Variants in DLGAP2 observed in about 807,000 individuals in gnomAD.
The protein encoded by DLGAP2 is DLG associated protein 2.
DLGAP2 carries 26 observed loss-of-function variants against 100.3 expected under a neutral mutation model. The observed-to-expected ratio is 0.26, with a 90% CI of 0.19 to 0.36. The LOEUF (loss-of-function observed/expected upper bound fraction) is 0.36. DLGAP2 is among the 10% of genes least tolerant of loss of function. DLGAP2 has a pLI of 1.00. For missense variants in DLGAP2, 1,858 were observed against 1,453.2 expected, an observed-to-expected ratio of 1.28 and a Z score of -4.53; for synonymous variants, 886 against 630.1, an observed-to-expected ratio of 1.41 and a Z score of -6.08.
At chr8:1,370,699 G>T (rs986644306) in intron 3 of DLGAP2, among the ~76,000 whole-genome samples, 2 of 152,180 alleles carry the variant, frequency 1.3e-5, no homozygotes, top group Admixed American at 1.3e-4. Flanking sequence ...CCAGACAACC[G>T]CTCCACTCTT....
At chr8:980,258 T>G (rs914260280) in intron 2 of DLGAP2, among the ~76,000 whole-genome samples, 9 of 152,176 alleles carry the variant, frequency 5.9e-5, no homozygotes, top group Non-Finnish European at 1.2e-4. Context: ...GAAATATCCA[T>G]AGAAGGTGCA....
At chr8:886,212 C>G (rs7008278) in intron 1 of DLGAP2, among the ~76,000 whole-genome samples, 81,404 of 151,872 alleles carry the variant, frequency 0.54, 22,387 homozygotes, top group Admixed American at 0.66. Context: ...ATTCTCTGAT[C>G]GTAGTTTGTA....
intron 2 of DLGAP2, among the ~76,000 whole-genome samples, chr8:1,180,161 G>C (rs999698561): frequency 6.6e-6 from 1 of 152,170 alleles, no homozygotes; most frequent in South Asian, 2.1e-4. Context: ...CCAAACTGAG[G>C]ACGTAAATTA....
chr8:1,554,658 C>T (rs928643793), intron 5 of DLGAP2, among the ~76,000 whole-genome samples: 7 of 152,148 alleles, frequency 4.6e-5, no homozygotes, highest in Non-Finnish European at 1.0e-4. Context: ...GCGAGGGGCA[C>T]CTGTATCCTG....
intron 2 of DLGAP2, among the ~76,000 whole-genome samples, chr8:1,176,268 A>G (rs1193454393): frequency 6.6e-6 from 1 of 152,098 alleles, no homozygotes; most frequent in East Asian, 1.9e-4. Context: ...CCTCATTACC[A>G]CAAGAATAGC....
chr8:1,178,130 A>C (rs1170863958), intron 2 of DLGAP2, among the ~76,000 whole-genome samples: 1 of 152,210 alleles, frequency 6.6e-6, no homozygotes, highest in Non-Finnish European at 1.5e-5. Flanking sequence ...AAGGCCTTGG[A>C]GAGAACTAGG....
At chr8:1,058,005 G>A (rs1222258771) in intron 2 of DLGAP2, among the ~76,000 whole-genome samples, 1 of 152,174 alleles carries the variant, frequency 6.6e-6, no homozygotes, top group Non-Finnish European at 1.5e-5. Context: ...TAAGATTATG[G>A]GAAAACATTC....
chr8:987,983 C>G (rs1371429220), intron 2 of DLGAP2, among the ~76,000 whole-genome samples: 1 of 152,152 alleles, frequency 6.6e-6, no homozygotes, highest in Non-Finnish European at 1.5e-5. Flanking sequence ...TCCATCAAAA[C>G]AAGTCTGGTT....
intron 3 of DLGAP2, among the ~76,000 whole-genome samples, chr8:1,313,766 C>A (rs1800665733): frequency 1.3e-5 from 2 of 152,068 alleles, no homozygotes; most frequent in South Asian, 4.2e-4. Context: ...TGTAGGAAGG[C>A]TGAATTATGT....
intron 2 of DLGAP2, among the ~76,000 whole-genome samples, chr8:1,176,263 T>G (rs11992998): frequency 6.6e-6 from 1 of 152,000 alleles, no homozygotes; most frequent in Non-Finnish European, 1.5e-5. Flanking sequence ...AATTCCCTCA[T>G]TACCACAAGA....
intron 3 of DLGAP2, among the ~76,000 whole-genome samples, chr8:1,317,298 C>T (rs1395868209): frequency 1.5e-5 from 2 of 135,660 alleles, no homozygotes; most frequent in Admixed American, 7.5e-5. Flanking sequence ...AGAAACTCGG[C>T]AGCTTTTAAA....
chr8:1,215,790 G>C (rs1440981907), intron 2 of DLGAP2, among the ~76,000 whole-genome samples: 1 of 127,968 alleles, frequency 7.8e-6, no homozygotes, highest in Non-Finnish European at 1.6e-5. Context: ...GAGACGTCCA[G>C]GTACCTATAT....
At chr8:849,710 G>A (rs749295703) in intron 1 of DLGAP2, among the ~76,000 whole-genome samples, 5 of 152,080 alleles carry the variant, frequency 3.3e-5, no homozygotes, top group Non-Finnish European at 7.4e-5. Context: ...GATGACATAG[G>A]AACTTTTATC....
At chr8:968,801 C>G (rs1046545309) in intron 2 of DLGAP2, among the ~76,000 whole-genome samples, 6 of 152,134 alleles carry the variant, frequency 3.9e-5, no homozygotes, top group African/African-American at 1.4e-4. Flanking sequence ...AGCTGCGACT[C>G]CACGTATAAT....
intron 2 of DLGAP2, among the ~76,000 whole-genome samples, chr8:1,242,985 C>A (rs1434831828): frequency 6.6e-6 from 1 of 152,140 alleles, no homozygotes; most frequent in African/African-American, 2.4e-5. Flanking sequence ...TCAAATATCA[C>A]CCCAAGCATC....
chr8:989,859 G>C (rs1024351528), intron 2 of DLGAP2, among the ~76,000 whole-genome samples: 19 of 152,118 alleles, frequency 1.2e-4, no homozygotes, highest in African/African-American at 4.3e-4. Flanking sequence ...GACACCAGCT[G>C]CTCTTGTCAC....
At chr8:908,054 T>C (rs1480694561) in intron 2 of DLGAP2, 88 bp downstream of exon 2, 2 of 397,290 alleles carry the variant, frequency 5.0e-6, no homozygotes, top group Admixed American at 4.4e-5. Context: ...TTTAGATATT[T>C]TGTGCATTTT....
At chr8:1,226,753 G>T (rs200694702) in intron 2 of DLGAP2, among the ~76,000 whole-genome samples, 1 of 151,998 alleles carries the variant, frequency 6.6e-6, no homozygotes, top group Non-Finnish European at 1.5e-5. Flanking sequence ...ACTGTTGAAC[G>T]TTTGTGTAAT....
chr8:826,570 G>A (rs1275022498), intron 1 of DLGAP2, among the ~76,000 whole-genome samples: 1 of 152,076 alleles, frequency 6.6e-6, no homozygotes, highest in Non-Finnish European at 1.5e-5. Context: ...TTGTGTTTCT[G>A]TGACATTCTT....
Sources: allele counts gnomAD v4.1 joint callset (sites outside exome capture counted in the v4.1 genomes callset), GRCh38; gene constraint gnomAD v4.1.1; transcripts MANE v1.5; gene names NCBI Gene and HGNC (gene_info 2026-07-23, HGNC 2026-07-21).